Variants in COX17 observed in about 807,000 individuals in gnomAD.
The protein encoded by COX17 is cytochrome c oxidase copper chaperone.
A neutral mutation model predicts 6.3 loss-of-function variants in COX17; 1 was observed. That is an observed-to-expected ratio of 0.16 (90% confidence interval 0.06 to 0.75). The LOEUF (loss-of-function observed/expected upper bound fraction) is 0.75. Ranked by LOEUF, COX17 falls within the 30% of genes least tolerant of loss-of-function variation. The pLI, the probability that COX17 is intolerant of heterozygous loss-of-function variation, is 0.77. For synonymous variants in COX17, 26 were observed against 30.5 expected (o/e 0.85, Z 0.49); for missense variants, 73 against 81.2 (o/e 0.90, Z 0.39).
intron 2 of COX17, among the ~76,000 whole-genome samples, chr3:119,673,218 A>G (rs900460938): frequency 2.0e-5 from 3 of 152,348 alleles, no homozygotes; most frequent in South Asian, 2.1e-4. Context: ...TTTCATAACT[A>G]TAAGCTTTAA....
chr3:119,664,224 TA>T (rs1204675991), intron 3 of COX17, among the ~76,000 whole-genome samples: 1 of 152,152 alleles, frequency 6.6e-6, no homozygotes, highest in African/African-American at 2.4e-5. Flanking sequence ...ATAACCTAAC[TA>T]AAATTCATGA....
chr3:119,667,738 G>C (rs1040274040), downstream of COX17, among the ~76,000 whole-genome samples: 220 of 149,596 alleles, frequency 1.5e-3, 1 homozygote, highest in African/African-American at 5.1e-3. Context: ...CAGAGAGAGA[G>C]AGACAGAGGT....
chr3:119,674,872 A>T, intron 2 of COX17: 1 of 332,606 alleles, frequency 3.0e-6, no homozygotes, highest in African/African-American at 2.1e-5. Context: ...TGTTTCTTTT[A>T]GTTCCCTCAG....
intron 2 of COX17, among the ~76,000 whole-genome samples, chr3:119,672,973 G>A (rs1022782036): frequency 7.9e-5 from 12 of 152,208 alleles, no homozygotes; most frequent in Admixed American, 3.3e-4. Context: ...ATAGCTCAGT[G>A]AGGAAGACTG....
intron 2 of COX17, 89 bp downstream of exon 2, chr3:119,675,056 T>C: frequency 1.1e-6 from 1 of 901,738 alleles, no homozygotes; most frequent in Non-Finnish European, 1.8e-6. Flanking sequence ...CATTTTAGAT[T>C]AACCAGGTGA....
At chr3:119,675,969 G>A (rs1364817215) in intron 1 of COX17, among the ~76,000 whole-genome samples, 2 of 152,228 alleles carry the variant, frequency 1.3e-5, no homozygotes, top group East Asian at 3.8e-4. Flanking sequence ...CTCAAGAGCT[G>A]CCTGCAAATG....
chr3:119,677,127 CGTAGGGCAGAGGCA>C (rs1259400051), intron 1 of COX17, 63 bp downstream of exon 1: 1 of 1,072,486 alleles, frequency 9.3e-7, no homozygotes, highest in Non-Finnish European at 1.4e-6. Context: ...GGGCAGAGGC[CGTAGGGCAGAGGCA>C]CCGGAAGGCA....
chr3:119,666,321 G>A (rs2052992180), downstream of COX17, among the ~76,000 whole-genome samples: 1 of 152,106 alleles, frequency 6.6e-6, no homozygotes. Flanking sequence ...AGCACATGAC[G>A]GGCTTCATCA....
At chr3:119,668,887 A>C (rs1411498492), downstream of COX17, among the ~76,000 whole-genome samples, 1 of 152,132 alleles carries the variant, frequency 6.6e-6, no homozygotes, top group Non-Finnish European at 1.5e-5. Flanking sequence ...TACTAAGGAA[A>C]TCACACTCTG....
At chr3:119,670,787 T>TAC (rs2053036243) in intron 2 of COX17, among the ~76,000 whole-genome samples, 1 of 145,270 alleles carries the variant, frequency 6.9e-6, no homozygotes, top group African/African-American at 2.5e-5. Context: ...TGTGTGTGTG[T>TAC]ACAATTCAGC....
intron 1 of COX17, 197 bp from the exon 2 acceptor site, chr3:119,675,430 A>G: frequency 1.9e-6 from 1 of 526,444 alleles, no homozygotes. Flanking sequence ...TTCCACAGAT[A>G]AGTGATTTTG....
intron 1 of COX17, among the ~76,000 whole-genome samples, chr3:119,676,566 A>G (rs13062540): frequency 0.54 from 81,432 of 151,972 alleles, 22,505 homozygotes; most frequent in South Asian, 0.6. Context: ...TCGTAGACTG[A>G]TTGATTTTCA....
downstream of COX17, among the ~76,000 whole-genome samples, chr3:119,666,459 T>C (rs1485264411): frequency 1.3e-5 from 2 of 152,182 alleles, no homozygotes; most frequent in Non-Finnish European, 2.9e-5. Flanking sequence ...CTTATGAGGA[T>C]TTTCTATTAC....
intron 2 of COX17, among the ~76,000 whole-genome samples, chr3:119,674,160 A>G (rs2053074625): frequency 6.7e-6 from 1 of 149,896 alleles, no homozygotes; most frequent in Non-Finnish European, 1.5e-5. Flanking sequence ...GGAAGTGTGG[A>G]GCGTCTCTGC....
chr3:119,677,286 G>C lies in COX17; in HGVS notation c.25C>G (p.Pro9Ala), dbSNP rs1328023701. 3.7e-6 allele frequency: 6 copies of C among 1,611,958 alleles called. No individual in the cohort carries two copies. Among genetic ancestry groups the C allele is most frequent in the Non-Finnish European group, 4.2e-6 (5 of 1,179,932 alleles). The part of the protein sequence containing the change: MPGLVDSN[P>A]APPESQEKKP... ...TTCTCCTGAGACTCAGGCGGGGCAG[G>C]GTTTGAGTCAACCAGACCCGGCATC... The change falls in exon 1 of 3, where the codon CCT becomes GCT. Residue 9 changes from proline to alanine, a missense_variant. Coordinates refer to ENST00000261070, the MANE Select transcript of COX17 (RefSeq NM_005694.2).
intron 2 of COX17, among the ~76,000 whole-genome samples, chr3:119,670,199 G>A (rs954765042): frequency 2.0e-5 from 3 of 152,136 alleles, no homozygotes; most frequent in South Asian, 2.1e-4. Context: ...CAAAAAGGGA[G>A]AGTAGCATAG....
chr3:119,670,241 A>T (rs1402380826), intron 2 of COX17, among the ~76,000 whole-genome samples: 1 of 152,198 alleles, frequency 6.6e-6, no homozygotes, highest in Non-Finnish European at 1.5e-5. Flanking sequence ...AGTCAATACC[A>T]GGCTTCTCAC....
At chr3:119,666,161 C>T (rs2052990672), downstream of COX17, among the ~76,000 whole-genome samples, 1 of 152,144 alleles carries the variant, frequency 6.6e-6, no homozygotes, top group Non-Finnish European at 1.5e-5. Context: ...CTTGTGTAAG[C>T]CAATCAGCAT....
downstream of COX17, chr3:119,665,464 C>G (rs914290929): frequency 2.0e-5 from 3 of 152,260 alleles, no homozygotes; most frequent in Non-Finnish European, 4.4e-5. Context: ...AGCCTCAGTC[C>G]TCTGGGTTCA....
Sources: gnomAD v4.1 joint callset for allele counts (sites outside exome capture counted in the v4.1 genomes callset) on GRCh38, gnomAD v4.1.1 for gene constraint, MANE v1.5 for transcripts, NCBI Gene and HGNC (gene_info 2026-07-23, HGNC 2026-07-21) for gene names.